The following SPRED1 variants were observed in gnomAD, a reference collection of about 807,000 sequenced individuals.
SPRED1 encodes sprouty related EVH1 domain containing 1, also known as sprouty-related, EVH1 domain-containing protein 1.
Under a neutral mutation model 52.3 loss-of-function variants are expected in SPRED1, and 18 were observed. The observed-to-expected ratio is 0.34, with a 90% CI of 0.24 to 0.51. SPRED1 has a LOEUF of 0.51. Among genes scored for constraint, SPRED1 ranks in the 20% least tolerant of loss-of-function variants. The pLI is 0.97. For missense variants in SPRED1, 485 were observed against 551.0 expected (o/e 0.88, Z 1.20); for synonymous variants, 155 against 179.7 (o/e 0.86, Z 1.10).
chr15:38,343,675 TTACTCAAGG>T, intron 5 of SPRED1, among the ~76,000 whole-genome samples: 1 of 152,240 alleles, frequency 6.6e-6, no homozygotes, highest in South Asian at 2.1e-4. Flanking sequence ...ACAGTTTGAA[TTACTCAAGG>T]TAGACACAGA....
At chr15:38,321,823 G>C (rs146090689) in intron 2 of SPRED1, among the ~76,000 whole-genome samples, 201 of 152,232 alleles carry the variant, frequency 1.3e-3, no homozygotes, top group African/African-American at 4.5e-3. Context: ...TCAAACTCCT[G>C]ATTTCAAGTG....
At position 38,349,985 on chromosome 15, in the gene SPRED1, T is replaced by C. The variant is rs150448755; in HGVS notation, c.684+462T>C. On this transcript the variant is annotated intron_variant, in intron 6 of 6. Transcript: ENST00000299084. Reference sequence around the variant, plus strand: ...ATGTAAGGGGTCAAAAGACTTAATTTTGTTCTTTGGCCTCAAAGAACCAAC... The same window carrying C: ...ATGTAAGGGGTCAAAAGACTTAATTCTGTTCTTTGGCCTCAAAGAACCAAC... Among the ~76,000 whole-genome samples the C allele has an allele frequency of 2.3e-4, 35 of 152,248 alleles. No homozygotes were observed. The East Asian group carries it at 6.4e-3, about 28-fold the overall frequency.
intron 2 of SPRED1, among the ~76,000 whole-genome samples, chr15:38,310,639 A>T (rs188347191): frequency 1.3e-5 from 2 of 152,286 alleles, no homozygotes; most frequent in Admixed American, 1.3e-4. Context: ...GTGATTTTCA[A>T]CACATAGATC....
intron 6 of SPRED1, among the ~76,000 whole-genome samples, chr15:38,350,790 C>T (rs1888466147): frequency 6.6e-6 from 1 of 152,158 alleles, no homozygotes; most frequent in Non-Finnish European, 1.5e-5. Context: ...AGTCTTAGTT[C>T]TAGTAAAGCC....
intron 1 of SPRED1, among the ~76,000 whole-genome samples, chr15:38,254,792 A>G (rs1894056882): frequency 6.6e-6 from 1 of 152,234 alleles, no homozygotes; most frequent in African/African-American, 2.4e-5. Context: ...AGTGCAGTAC[A>G]GTCTCTCCCT....
intron 1 of SPRED1, among the ~76,000 whole-genome samples, chr15:38,275,934 A>G (rs1223938919): frequency 1.3e-5 from 2 of 152,144 alleles, no homozygotes; most frequent in African/African-American, 2.4e-5. Context: ...GGTTCTTTCC[A>G]CTTACTCTCC....
In SPRED1 at chr15:38,253,030, G is replaced by A. The variant is rs979371962; in HGVS notation, c.-156G>A. ...GTGGCCGGGGTTCCCGGCTGGGGGGGTACCGTTCTGGGTGAGGCATCCACC... is the reference window on the plus strand; with the variant it reads ...GTGGCCGGGGTTCCCGGCTGGGGGGATACCGTTCTGGGTGAGGCATCCACC... On this transcript the variant is annotated 5_prime_UTR_variant, in exon 1 of 7. Coordinates refer to ENST00000299084, the MANE Select transcript of SPRED1 (RefSeq NM_152594.3). 4.7e-5 allele frequency: 33 copies of A among 700,036 alleles called. No individual in the cohort carries two copies. The Admixed American group carries it at 4.8e-4, about 10-fold the overall frequency. The allele number at this position is 700,036 out of a possible 1,614,324, so 43.4% of individuals were successfully genotyped here. A position where few individuals can be genotyped will look rare whatever the true frequency, so the allele number is the denominator to read the frequency against.
intron 3 of SPRED1, among the ~76,000 whole-genome samples, chr15:38,322,747 G>A (rs1230161542): frequency 6.6e-6 from 1 of 152,136 alleles, no homozygotes; most frequent in African/African-American, 2.4e-5. Context: ...TATTCTACTT[G>A]TGTATGTATG....
chr15:38,278,828 G>GTTTTGT (rs1555388364), intron 1 of SPRED1, among the ~76,000 whole-genome samples: 1 of 118,248 alleles, frequency 8.5e-6, no homozygotes, highest in Non-Finnish European at 1.7e-5. Context: ...TAACTACACT[G>GTTTTGT]TTTTTTTTTT....
rs75557247 is a variant in SPRED1 at position 38,300,078 on chromosome 15, C to T, written c.207+531C>T. On this transcript the variant is annotated intron_variant, in intron 2 of 6. Transcript: ENST00000299084. ...ATTCCCTTATTAATTCCCTTATTTT[C>T]TAGTCTCATAAGACTATCTGGTGGC... 3.1e-3 allele frequency among the ~76,000 whole-genome samples: 474 copies of T among 152,232 alleles called. 19 individuals carry two copies. The East Asian group carries it at 0.082, about 26-fold the overall frequency.
intron 2 of SPRED1, among the ~76,000 whole-genome samples, 155 bp from the exon 3 acceptor site, chr15:38,322,083 TTTA>T (rs1895613872): frequency 6.6e-6 from 1 of 152,172 alleles, no homozygotes; most frequent in Non-Finnish European, 1.5e-5. Context: ...TCTTAATCTC[TTTA>T]TTGAGTGACT....
chr15:38,324,911 ACTCTAT>A, intron 4 of SPRED1, 102 bp downstream of exon 4: 3 of 1,014,880 alleles, frequency 3.0e-6, no homozygotes, highest in Non-Finnish European at 4.5e-6. Context: ...TTTCTAAGAC[ACTCTAT>A]TTGTCAGATT....
chr15:38,321,654 C>G (rs1334548848), intron 2 of SPRED1, among the ~76,000 whole-genome samples: 1 of 152,092 alleles, frequency 6.6e-6, no homozygotes, highest in African/African-American at 2.4e-5. Context: ...AGTGCAGTGA[C>G]GTGATCTCAA....
intron 1 of SPRED1, among the ~76,000 whole-genome samples, chr15:38,256,822 CATAT>C (rs35751987): frequency 3.3e-5 from 5 of 150,864 alleles, no homozygotes; most frequent in Non-Finnish European, 7.4e-5. Context: ...CACACACACA[CATAT>C]ATATATATAT....
In SPRED1 at chr15:38,331,634, T is replaced by C. The variant is rs148167155; in HGVS notation, c.423+6825T>C. On this transcript the variant is annotated intron_variant, in intron 4 of 6. Transcript: ENST00000299084. The stretch of plus-strand genomic sequence containing the variant: ...TGCTCAGATTTTGAATTTTTTTTAC[T>C]AGGGTAGGTATATTGTATTATATTA... 4.1e-3 allele frequency among the ~76,000 whole-genome samples: 628 copies of C among 152,152 alleles called. 2 individuals are homozygous for C. The highest frequency in any genetic ancestry group is 0.014 in the African/African-American group (573 of 41,512).
At position 38,341,842 on chromosome 15, in the gene SPRED1, G is replaced by A. The variant is rs75039691; in HGVS notation, c.582+1947G>A. On this transcript the variant is annotated intron_variant, in intron 5 of 6. Coordinates refer to ENST00000299084, the MANE Select transcript of SPRED1 (RefSeq NM_152594.3). ...GTTGGGTATAGCAGCCTTTTTTGTT[G>A]AACTGATCCTTTTGTCATTATGAGA... Among the ~76,000 whole-genome samples the A allele has an allele frequency of 6.1e-3, 933 of 152,036 alleles. 11 individuals carry two copies. The highest frequency in any genetic ancestry group is 0.021 in the African/African-American group (871 of 41,516).
intron 5 of SPRED1, among the ~76,000 whole-genome samples, chr15:38,344,454 TG>T (rs1456398575): frequency 3.9e-5 from 6 of 152,124 alleles, no homozygotes; most frequent in Admixed American, 2.0e-4. Flanking sequence ...GCGGTTATGA[TG>T]GGGTGGTTGA....
rs1426877800 is a variant in SPRED1 at position 38,342,045 on chromosome 15, C to CTTTTTTTGTTTTTTTTTTTTTTTTTT, written c.582+2150_582+2151insTTTTTTTGTTTTTTTTTTTTTTTTTT. On this transcript the variant is annotated intron_variant, in intron 5 of 6. Transcript: ENST00000299084. ...GGGTTTGGGTTTTTTTTTTTTTTTC[C>CTTTTTTTGTTTTTTTTTTTTTTTTTT]CCCAGGGTGTCTTTGTCTTTTAATT... 1.4e-5 allele frequency among the ~76,000 whole-genome samples: 2 copies of CTTTTTTTGTTTTTTTTTTTTTTTTTT among 140,190 alleles called. 1 individual carries two copies. The highest frequency in any genetic ancestry group is 3.1e-5 in the Non-Finnish European group (2 of 64,890). The allele number at this position is 140,190 out of a possible 152,430, so 92.0% of individuals were successfully genotyped here. A position where few individuals can be genotyped will look rare whatever the true frequency, so the allele number is the denominator to read the frequency against.
At chr15:38,336,220 AAG>A (rs1895910724) in intron 4 of SPRED1, among the ~76,000 whole-genome samples, 1 of 151,728 alleles carries the variant, frequency 6.6e-6, no homozygotes, top group South Asian at 2.1e-4. Context: ...TGCCATGTTC[AAG>A]TTGTTTCTTT....
Sources: gnomAD v4.1 joint callset for allele counts (sites outside exome capture counted in the v4.1 genomes callset) on GRCh38, gnomAD v4.1.1 for gene constraint, MANE v1.5 for transcripts, NCBI Gene and HGNC (gene_info 2026-07-23, HGNC 2026-07-21) for gene names.